MAP4K4: variants seen among roughly 807,000 people sequenced by gnomAD.
The protein encoded by MAP4K4 is HPK/GCK-like kinase HGK.
MAP4K4 carries 38 observed loss-of-function variants against 189.6 expected under a neutral mutation model. That is an observed-to-expected ratio of 0.20 (90% CI 0.15 to 0.26). The LOEUF (loss-of-function observed/expected upper bound fraction) is 0.26, where lower values mean the gene tolerates loss of function less well. Ranked by LOEUF, MAP4K4 falls within the 10% of genes least tolerant of loss-of-function variation. The pLI is 1.00. For synonymous variants in MAP4K4, 610 were observed against 624.3 expected, an observed-to-expected ratio of 0.98 and a Z score of 0.34; for missense variants, 1,054 against 1,726.9, an observed-to-expected ratio of 0.61 and a Z score of 6.91.
At chr2:101,795,672 T>C (rs1035264776) in intron 3 of MAP4K4, among the ~76,000 whole-genome samples, 2 of 152,224 alleles carry the variant, frequency 1.3e-5, no homozygotes, top group African/African-American at 4.8e-5. Context: ...TGGAGACTAA[T>C]ATCTGGATGC....
chr2:101,844,175 G>A (rs1305348193), exon 12 of MAP4K4: 3 of 1,612,054 alleles, frequency 1.9e-6, no homozygotes, highest in African/African-American at 1.3e-5. Flanking sequence ...AACAAGGAAC[G>A]TTCCGAGGCT....
rs58201235 is a variant in MAP4K4 at position 101,797,889 on chromosome 2, GTTTTT to G, written c.180+7130_180+7134del. 7.3e-4 allele frequency among the ~76,000 whole-genome samples: 38 copies of G among 52,328 alleles called. 1 individual carries two copies. Among genetic ancestry groups the G allele is most frequent in the Admixed American group, 4.5e-3 (14 of 3,126 alleles). 34.3% of individuals were successfully genotyped at this position (52,328 alleles called of 152,430 possible). A position where few individuals can be genotyped will look rare whatever the true frequency, so the allele number is the denominator to read the frequency against. ...TGAAGCTTTTTAAAACATTCTTTTA[GTTTTT>G]TTTTTTTTTTTTTTTTGGAGACCAA... is the stretch of plus-strand genomic sequence containing the variant. On this transcript the variant is annotated intron_variant, in intron 3 of 32. Transcript: ENST00000324219.
Position 101,822,114 on chromosome 2 carries a change from C to CT in MAP4K4, c.181-1806dup, listed in dbSNP as rs912410835. On this transcript the variant is annotated intron_variant, in intron 3 of 32. Coordinates refer to ENST00000324219, the Ensembl canonical transcript of MAP4K4. ...TCTGCCTGAGGCTATTGTAAGTTGACTTTTTTTTGTTTAAATAAATAGGAG... is the reference window on the plus strand; with the variant it reads ...TCTGCCTGAGGCTATTGTAAGTTGACTTTTTTTTTGTTTAAATAAATAGGAG... Among the ~76,000 whole-genome samples, 214 of 152,082 alleles carry CT rather than the reference C, an allele frequency of 1.4e-3. 1 individual carries two copies. Among genetic ancestry groups the CT allele is most frequent in the African/African-American group, 4.6e-3 (192 of 41,494 alleles).
chr2:101,769,800 T>C (rs1189637533), intron 2 of MAP4K4, among the ~76,000 whole-genome samples: 1 of 152,094 alleles, frequency 6.6e-6, no homozygotes, highest in African/African-American at 2.4e-5. Flanking sequence ...CAGGCTGGTC[T>C]CAAACTCCTG....
At chr2:101,843,223 T>C (rs1201052493) in intron 11 of MAP4K4, among the ~76,000 whole-genome samples, 2 of 152,102 alleles carry the variant, frequency 1.3e-5, no homozygotes, top group Non-Finnish European at 1.5e-5. Flanking sequence ...GATTGTGATG[T>C]TGGGTGTGCC....
At chr2:101,764,012 T>C (rs988876473) in intron 2 of MAP4K4, among the ~76,000 whole-genome samples, 1 of 152,128 alleles carries the variant, frequency 6.6e-6, no homozygotes, top group African/African-American at 2.4e-5. Flanking sequence ...TTGTGTCACA[T>C]TTTTTCATCT....
At chr2:101,738,518 A>C (rs908130197) in intron 2 of MAP4K4, among the ~76,000 whole-genome samples, 1 of 152,126 alleles carries the variant, frequency 6.6e-6, no homozygotes, top group Non-Finnish European at 1.5e-5. Context: ...TGCCTTTGGG[A>C]GTCGATTTGT....
chr2:101,763,685 G>A (rs1254562255), intron 2 of MAP4K4, among the ~76,000 whole-genome samples: 1 of 152,158 alleles, frequency 6.6e-6, no homozygotes, highest in Admixed American at 6.5e-5. Flanking sequence ...ATGGACTCTA[G>A]ACTTAATAGA....
At chr2:101,709,010 A>T (rs1181404124) in intron 2 of MAP4K4, among the ~76,000 whole-genome samples, 1 of 152,104 alleles carries the variant, frequency 6.6e-6, no homozygotes, top group African/African-American at 2.4e-5. Context: ...ATGGAACTGC[A>T]CCTTAAGTCA....
chr2:101,837,669 TTTAA>T (rs1376143352), intron 9 of MAP4K4, among the ~76,000 whole-genome samples: 1 of 152,178 alleles, frequency 6.6e-6, no homozygotes, highest in Non-Finnish European at 1.5e-5. Flanking sequence ...CAGTTCATGC[TTTAA>T]TTAAGTAGTA....
chr2:101,785,549 A>G (rs532705185), intron 2 of MAP4K4, among the ~76,000 whole-genome samples: 1 of 152,328 alleles, frequency 6.6e-6, no homozygotes, highest in Admixed American at 6.5e-5. Flanking sequence ...TTTAATCATC[A>G]AATGTGTTTT....
intron 2 of MAP4K4, among the ~76,000 whole-genome samples, chr2:101,729,077 G>GGA (rs1553512625): frequency 5.4e-5 from 7 of 128,770 alleles, no homozygotes; most frequent in East Asian, 2.3e-4. Context: ...ATTAGAGAGA[G>GGA]GAGAGAGAGA....
intron 32 of MAP4K4, 22 bp from the exon 33 acceptor site, chr2:101,891,144 C>G: frequency 6.2e-7 from 1 of 1,601,770 alleles, no homozygotes; most frequent in African/African-American, 1.3e-5. Context: ...TAACCATTCC[C>G]TCTCTTTTCT....
chr2:101,797,374 C>T (rs1245921840), intron 3 of MAP4K4: 13 of 1,290,750 alleles, frequency 1.0e-5, no homozygotes, highest in Admixed American at 9.2e-5. Context: ...GATCATTCAA[C>T]GTTGTCAGGG....
At chr2:101,809,161 C>G (rs2095249025) in intron 3 of MAP4K4, among the ~76,000 whole-genome samples, 2 of 152,030 alleles carry the variant, frequency 1.3e-5, no homozygotes, top group Non-Finnish European at 2.9e-5. Context: ...TTCTAGTCAC[C>G]ACTTCATGGT....
At chr2:101,717,549 T>A (rs1384065309) in intron 2 of MAP4K4, among the ~76,000 whole-genome samples, 2 of 152,300 alleles carry the variant, frequency 1.3e-5, no homozygotes, top group African/African-American at 4.8e-5. Flanking sequence ...CCAGTTATTT[T>A]AAAAAATCAT....
At chr2:101,819,790 C>G (rs1398232218) in intron 3 of MAP4K4, among the ~76,000 whole-genome samples, 1 of 152,138 alleles carries the variant, frequency 6.6e-6, no homozygotes, top group African/African-American at 2.4e-5. Flanking sequence ...TCTTCTAAAT[C>G]ATTGATTCTG....
Position 101,860,987 on chromosome 2 carries a change from GTA to G in MAP4K4, c.1866+2_1866+3del. Reference sequence around the variant, plus strand: ...CCTGCAGAGACCAGCGGAGCCACAGGTAGCGACAGCCAGCTTTGCTGTGGTTG... The same window carrying G: ...CCTGCAGAGACCAGCGGAGCCACAGGGCGACAGCCAGCTTTGCTGTGGTTG... On this transcript the variant is annotated splice_donor_variant and splice_donor_region_variant and intron_variant, in intron 16 of 32. Coordinates refer to ENST00000324219, the Ensembl canonical transcript of MAP4K4. LOFTEE classifies it high-confidence loss of function. 1 of 1,591,978 alleles carries G rather than the reference GTA, an allele frequency of 6.3e-7. No individual in the cohort carries two copies. Among genetic ancestry groups the G allele is most frequent in the Non-Finnish European group, 8.6e-7 (1 of 1,169,558 alleles).
intron 18 of MAP4K4, among the ~76,000 whole-genome samples, chr2:101,865,421 G>A (rs1257206646): frequency 6.6e-6 from 1 of 152,178 alleles, no homozygotes; most frequent in Non-Finnish European, 1.5e-5. Context: ...GAAGTCACTG[G>A]TTGACTTCAC....
Sources: gnomAD v4.1 joint callset for allele counts (sites outside exome capture counted in the v4.1 genomes callset) on GRCh38, gnomAD v4.1.1 for gene constraint, MANE v1.5 for transcripts, NCBI Gene and HGNC (gene_info 2026-07-23, HGNC 2026-07-21) for gene names.